Variants in NNMT observed in about 807,000 individuals in gnomAD.
The protein encoded by NNMT is nicotinamide N-methyltransferase.
NNMT carries 10 observed loss-of-function variants against 11.7 expected under a neutral mutation model. That is an observed-to-expected ratio of 0.85 (90% CI 0.53 to 1.45). NNMT has a LOEUF of 1.45. Among genes scored for constraint, NNMT ranks in the 40% most tolerant of loss-of-function variants. NNMT has a pLI of 0.00. For synonymous variants in NNMT, 143 were observed against 133.8 expected, an observed-to-expected ratio of 1.07 and a Z score of -0.48; for missense variants, 381 against 319.4, an observed-to-expected ratio of 1.19 and a Z score of -1.47.
intron 1 of NNMT, among the ~76,000 whole-genome samples, chr11:114,261,605 C>T (rs907690543): frequency 2.0e-5 from 3 of 152,006 alleles, no homozygotes; most frequent in African/African-American, 7.3e-5. Flanking sequence ...AACAAACAAA[C>T]AAACAAAAAG....
At chr11:114,301,249 G>C (rs1037142633) in intron 2 of NNMT, among the ~76,000 whole-genome samples, 1 of 152,158 alleles carries the variant, frequency 6.6e-6, no homozygotes, top group Non-Finnish European at 1.5e-5. Flanking sequence ...AACCCAGAAA[G>C]CTGCATGTAT....
At chr11:114,298,277 A>G in intron 2 of NNMT, 119 bp downstream of exon 2, 1 of 815,550 alleles carries the variant, frequency 1.2e-6, no homozygotes, top group Non-Finnish European at 2.0e-6. Flanking sequence ...GTAACGAGAG[A>G]GCGAGAGCAA....
intron 2 of NNMT, among the ~76,000 whole-genome samples, chr11:114,283,580 C>T (rs529530814): frequency 8.5e-5 from 13 of 152,200 alleles, no homozygotes; most frequent in South Asian, 8.3e-4. Context: ...CAGTTCATTC[C>T]GAAAGCTTTT....
upstream of NNMT, among the ~76,000 whole-genome samples, chr11:114,295,610 T>A (rs1013778951): frequency 1.3e-5 from 2 of 151,544 alleles, no homozygotes; most frequent in Non-Finnish European, 2.9e-5. Context: ...ATTTTTTTTT[T>A]AGTAGAGACG....
chr11:114,268,430 A>G (rs1945139649), intron 2 of NNMT, among the ~76,000 whole-genome samples: 1 of 152,158 alleles, frequency 6.6e-6, no homozygotes. Flanking sequence ...GGGACTTACC[A>G]TGGTTCCCAA....
chr11:114,297,666 T>C (rs1485328579), intron 1 of NNMT, among the ~76,000 whole-genome samples: 2 of 152,096 alleles, frequency 1.3e-5, no homozygotes, highest in African/African-American at 2.4e-5. Context: ...TAAAATTTTT[T>C]TGTAGAGATG....
intron 2 of NNMT, among the ~76,000 whole-genome samples, chr11:114,303,341 A>G (rs1486151210): frequency 6.6e-6 from 1 of 152,224 alleles, no homozygotes; most frequent in Non-Finnish European, 1.5e-5. Context: ...GTCCCCTGGC[A>G]TCTCTCTTAC....
intron 2 of NNMT, among the ~76,000 whole-genome samples, chr11:114,307,376 A>C (rs1945502265): frequency 6.6e-6 from 1 of 152,202 alleles, no homozygotes; most frequent in Admixed American, 6.5e-5. Flanking sequence ...CATGTTCCAT[A>C]TCTAACTTAA....
rs553879318 is a variant in NNMT at position 114,264,292 on chromosome 11, G to A, written c.-130+1358G>A. Among the ~76,000 whole-genome samples the A allele has an allele frequency of 5.3e-5, 8 of 152,138 alleles. No individual in the cohort carries two copies. The South Asian group carries it at 1.7e-3, about 32-fold the overall frequency. On this transcript the variant is annotated intron_variant, in intron 2 of 4. Transcript: ENST00000535401. Reference sequence around the variant, plus strand: ...GCAAAATTCTAGAGAGCTGTCTGCAGACACTGTCTTCCTTCCTTTTTCTTA... The same window carrying A: ...GCAAAATTCTAGAGAGCTGTCTGCAAACACTGTCTTCCTTCCTTTTTCTTA...
chr11:114,284,723 A>C (rs976601730), intron 2 of NNMT, among the ~76,000 whole-genome samples: 5 of 149,794 alleles, frequency 3.3e-5, no homozygotes, highest in African/African-American at 1.2e-4. Context: ...TGGCCTCCCA[A>C]AGTGCTGAGA....
intron 1 of NNMT, chr11:114,297,324 T>A (rs965033199): frequency 6.6e-6 from 1 of 152,120 alleles, no homozygotes; most frequent in African/African-American, 2.4e-5. Flanking sequence ...GAAAAGTTTT[T>A]TTTTTTTCTT....
chr11:114,293,588 A>G (rs1352959684), upstream of NNMT, among the ~76,000 whole-genome samples: 1 of 148,808 alleles, frequency 6.7e-6, no homozygotes, highest in South Asian at 2.2e-4. Flanking sequence ...CAACTACGAG[A>G]TATGATCTCA....
At chr11:114,264,366 C>G (rs1945104775) in intron 2 of NNMT, among the ~76,000 whole-genome samples, 1 of 152,108 alleles carries the variant, frequency 6.6e-6, no homozygotes, top group Non-Finnish European at 1.5e-5. Flanking sequence ...TTAAAATTGT[C>G]TTTTCAAGTT....
intron 2 of NNMT, 125 bp from the exon 3 acceptor site, chr11:114,311,920 C>G (rs780356324): frequency 9.7e-6 from 9 of 926,460 alleles, no homozygotes; most frequent in Non-Finnish European, 1.4e-5. Flanking sequence ...TCTCTCCTTT[C>G]CCGATAGAGG....
At chr11:114,278,214 T>G (rs1945229568) in intron 2 of NNMT, among the ~76,000 whole-genome samples, 1 of 152,032 alleles carries the variant, frequency 6.6e-6, no homozygotes, top group Non-Finnish European at 1.5e-5. Flanking sequence ...GAGCAGGCAT[T>G]TCACACGGCG....
At chr11:114,287,045 C>T (rs1156479137) in intron 2 of NNMT, among the ~76,000 whole-genome samples, 1 of 152,094 alleles carries the variant, frequency 6.6e-6, no homozygotes, top group East Asian at 1.9e-4. Context: ...ACTTGGATTT[C>T]CTTTCTCAGA....
intron 2 of NNMT, among the ~76,000 whole-genome samples, chr11:114,299,189 T>C (rs770826157): frequency 5.3e-5 from 8 of 152,236 alleles, no homozygotes; most frequent in Non-Finnish European, 8.8e-5. Flanking sequence ...ACAGCAGACC[T>C]CTGTGCCTTA....
chr11:114,303,046 T>A (rs1945453423), intron 2 of NNMT, among the ~76,000 whole-genome samples: 1 of 152,192 alleles, frequency 6.6e-6, no homozygotes, highest in African/African-American at 2.4e-5. Context: ...CAGTCTATGG[T>A]ATTCTGTTAC....
intron 2 of NNMT, among the ~76,000 whole-genome samples, chr11:114,290,716 T>A (rs1000636932): frequency 5.9e-5 from 9 of 152,264 alleles, no homozygotes; most frequent in African/African-American, 1.7e-4. Context: ...ATTCCTTCTG[T>A]CTGAAATTCA....
Sources: gnomAD v4.1 joint callset for allele counts (sites outside exome capture counted in the v4.1 genomes callset) on GRCh38, gnomAD v4.1.1 for gene constraint, MANE v1.5 for transcripts, NCBI Gene and HGNC (gene_info 2026-07-23, HGNC 2026-07-21) for gene names.